SLFNL1: variants seen among roughly 807,000 people sequenced by gnomAD.
The protein encoded by SLFNL1 is schlafen like 1.
In SLFNL1, 26 loss-of-function variants were observed where a neutral mutation model predicts 32.5. That is an observed-to-expected ratio of 0.80 (90% CI 0.59 to 1.11). The LOEUF (loss-of-function observed/expected upper bound fraction) is 1.11, where lower values mean the gene tolerates loss of function less well. Among genes scored for constraint, SLFNL1 ranks in the 50% least tolerant of loss-of-function variants. The pLI is 0.00. For missense variants in SLFNL1, 553 were observed against 546.5 expected, an observed-to-expected ratio of 1.01 and a Z score of -0.12; for synonymous variants, 255 against 242.2, an observed-to-expected ratio of 1.05 and a Z score of -0.49.
At chr1:41,016,442 T>C in intron 5 of SLFNL1, 1 of 643,738 alleles carries the variant, frequency 1.6e-6, no homozygotes, top group South Asian at 2.0e-5. Flanking sequence ...GGGAGCCTCC[T>C]CCGTGCTGGG....
rs1441548258 is a variant in SLFNL1, at chr1:41,018,166, T to TA, written c.436-11dup. 2.7e-6 allele frequency: 4 copies of TA among 1,459,146 alleles called. No homozygotes were observed. The African/African-American group carries it at 5.7e-5, about 21-fold the overall frequency. The allele number at this position is 1,459,146 out of a possible 1,614,324, so 90.4% of individuals were successfully genotyped here. On this transcript the variant is annotated splice_polypyrimidine_tract_variant and intron_variant, in intron 3 of 5. Transcript: ENST00000302946. Reference sequence around the variant, plus strand: ...CCTCCTCCTCCTTCTCCTAGGGTGGTAGTCAAGAATGAATGTATGGGTCCA... The same window carrying TA: ...CCTCCTCCTCCTTCTCCTAGGGTGGTAAGTCAAGAATGAATGTATGGGTCCA...
In SLFNL1 at chr1:41,017,805, C is replaced by G; in HGVS notation, c.787G>C (p.Glu263Gln). The G allele has an allele frequency of 6.2e-7, 1 of 1,601,584 alleles. No individual in the cohort carries two copies. The highest frequency in any genetic ancestry group is 8.5e-7 in the Non-Finnish European group (1 of 1,171,332). ...SEGGSLLVGV[E>Q]DSGLVQGIRC... is the part of the protein sequence containing the mutation. ...ATGCCCTGCACCAGGCCGCTGTCCT[C>G]TACTCCCACGAGCAGGCTGCCGCCC... The change falls in exon 4 of 6, where the codon GAG (glutamate) becomes CAG (glutamine). Residue 263 changes from glutamate to glutamine, a missense_variant. Transcript: ENST00000302946. The surrounding 1 kb of genome is among the most constrained non-coding windows in gnomAD (Gnocchi z 4.9).
In SLFNL1 at chr1:41,017,584, T is replaced by A; in HGVS notation, c.957+51A>T. The A allele has an allele frequency of 6.6e-7, 1 of 1,509,306 alleles. No homozygotes were observed. The highest frequency in any genetic ancestry group is 8.9e-7 in the Non-Finnish European group (1 of 1,129,238). The allele number at this position is 1,509,306 out of a possible 1,614,324, so 93.5% of individuals were successfully genotyped here. ...GCAGGAGTGCAGGCCATCGTCTTAC[T>A]GAGTGATGACAGATGACAGGCCCAG... On this transcript the variant is annotated intron_variant, in intron 4 of 5. Coordinates refer to ENST00000302946, the MANE Select transcript of SLFNL1 (RefSeq NM_144990.4). The surrounding 1 kb of genome is among the most constrained non-coding windows in gnomAD (Gnocchi z 4.9).
At position 41,017,646 on chromosome 1, in the gene SLFNL1, C is replaced by T. The variant is rs780747853; in HGVS notation, c.946G>A (p.Val316Ile). 5.2e-6 allele frequency: 8 copies of T among 1,527,202 alleles called. No individual in the cohort carries two copies. The highest frequency in any genetic ancestry group is 4.6e-5 in the East Asian group (2 of 43,916). 94.6% of individuals were successfully genotyped at this position (1,527,202 alleles called of 1,614,324 possible). A position where few individuals can be genotyped will look rare whatever the true frequency, so the allele number is the denominator to read the frequency against. Residue 316 changes from valine (V) to isoleucine (I), a missense_variant, in exon 4 of 6, where the codon GTC becomes ATC. Coordinates refer to ENST00000302946, the MANE Select transcript of SLFNL1 (RefSeq NM_144990.4). The surrounding 1 kb of genome is among the most constrained non-coding windows in gnomAD (Gnocchi z 4.9). ...TCCTGCAGGCTCACCTTGAGGGGGACGCTGGTCTCCGAGGTACTGATCACA... is the reference window on the plus strand; with the variant it reads ...TCCTGCAGGCTCACCTTGAGGGGGATGCTGGTCTCCGAGGTACTGATCACA... ...IPVISTSETS[V>I]PLKVIRLTVH...
rs754934380 is a variant in SLFNL1 at position 41,018,002 on chromosome 1, G to A, written c.590C>T (p.Ser197Phe). 5 of 1,606,756 alleles carry A rather than the reference G, an allele frequency of 3.1e-6. No individual in the cohort carries two copies. Among genetic ancestry groups the A allele is most frequent in the Non-Finnish European group, 4.2e-6 (5 of 1,177,458 alleles). ...CTGCTGGTGCACAATGGCACTGTCG[G>A]AGCACACGCCGCTGGGCCGGCCCTG... ...SCQGRPSGVC[S>F]DSAIVHQQIV... is the part of the protein sequence containing the mutation. The change falls in exon 4 of 6, where the codon TCC becomes TTC. Residue 197 changes from serine (S) to phenylalanine (F), a missense_variant. Transcript: ENST00000302946.
At position 41,016,164 on chromosome 1, in the gene SLFNL1, T is replaced by C; in HGVS notation, c.1166A>G (p.Gln389Arg). ...KMKALMMEKEQLQQQLQQHGP... is the reference protein window; with the variant it reads ...KMKALMMEKERLQQQLQQHGP... ...GTGCTGCTGCAGCTGCTGCTGGAGC[T>C]GCTCCTTCTCCATCATCAGCGCCTT... The change falls in exon 6 of 6, where the codon CAG becomes CGG. Residue 389 changes from glutamine to arginine, a missense_variant. Gln to Arg is a conservative substitution (Grantham distance 43). Coordinates refer to ENST00000302946, the MANE Select transcript of SLFNL1 (RefSeq NM_144990.4). 1 of 1,614,178 alleles carries C rather than the reference T, an allele frequency of 6.2e-7. No homozygotes were observed. The highest frequency in any genetic ancestry group is 8.5e-7 in the Non-Finnish European group (1 of 1,180,010).
intron 3 of SLFNL1, 58 bp downstream of exon 3, chr1:41,020,164 CCACT>C: frequency 6.7e-7 from 1 of 1,499,372 alleles, no homozygotes; most frequent in Non-Finnish European, 9.0e-7. Flanking sequence ...CAGGCCACTC[CCACT>C]CAGAGGCTCT....
At position 41,018,144 on chromosome 1, in the gene SLFNL1, C is replaced by A; in HGVS notation, c.448G>T (p.Glu150Ter). The A allele has an allele frequency of 6.7e-7, 1 of 1,491,100 alleles. No individual in the cohort carries two copies. The highest frequency in any genetic ancestry group is 9.0e-7 in the Non-Finnish European group (1 of 1,114,670). The allele number at this position is 1,491,100 out of a possible 1,614,324, so 92.4% of individuals were successfully genotyped here. A position where few individuals can be genotyped will look rare whatever the true frequency, so the allele number is the denominator to read the frequency against. ...PFSHREEKEE[E>*]EEDSGLSPGP... ...GGGCTCAGGCCACTGTCCTCCTCCT[C>A]CTCCTCCTTCTCCTAGGGTGGTAGT... The change falls in exon 4 of 6, where the codon GAG (glutamate) becomes TAG (stop). Residue 150 changes from glutamate (E) to a stop codon, truncating the protein, a stop_gained. Coordinates refer to ENST00000302946, the MANE Select transcript of SLFNL1 (RefSeq NM_144990.4). LOFTEE classifies it high-confidence loss of function.
chr1:41,018,342 C>A (rs1215547721), intron 3 of SLFNL1, 186 bp from the exon 4 acceptor site: 2 of 551,414 alleles, frequency 3.6e-6, no homozygotes, highest in Non-Finnish European at 3.0e-6. Flanking sequence ...GGCAGGAAAC[C>A]CTGCTGGATC....
rs1433297955 is a variant in SLFNL1 at position 41,020,680 on chromosome 1, A to AG, written c.-21dup. ...GGTCATGGGAAGGCTCTCCCTGGGA[A>AG]GGGGTTCCAGGATTCCTCACTGCTG... On this transcript the variant is annotated 5_prime_UTR_variant, in exon 3 of 6. Transcript: ENST00000302946. 10 of 1,595,560 alleles carry AG rather than the reference A, an allele frequency of 6.3e-6. No individual in the cohort carries two copies. Among genetic ancestry groups the AG allele is most frequent in the Non-Finnish European group, 7.7e-6 (9 of 1,167,830 alleles).
chr1:41,017,411 G>GC lies in SLFNL1; in HGVS notation c.958-35dup. On this transcript the variant is annotated intron_variant, in intron 4 of 5. Coordinates refer to ENST00000302946, the MANE Select transcript of SLFNL1 (RefSeq NM_144990.4). The surrounding 1 kb of genome is among the most constrained non-coding windows in gnomAD (Gnocchi z 4.9). ...GGGCAACAGCAGCTCTGGAGGCGCC[G>GC]CCCCTCACGGTCGGCAGCCCCCATC... The GC allele has an allele frequency of 6.3e-6, 10 of 1,597,072 alleles. No individual in the cohort carries two copies. Among genetic ancestry groups the GC allele is most frequent in the Non-Finnish European group, 7.7e-6 (9 of 1,170,578 alleles).
At position 41,017,355 on chromosome 1, in the gene SLFNL1, G is replaced by A; in HGVS notation, c.980C>T (p.Thr327Ile). ...PLKVIRLTVHTPKAQSQPQLY... is the reference protein window; with the variant it reads ...PLKVIRLTVHIPKAQSQPQLY... ...TTGCGGCTGGCTCTGGGCCTTGGGG[G>A]TGTGCACGGTCAGGCGGATCACCTT... The change falls in exon 5 of 6, where the codon ACC becomes ATC. Residue 327 changes from threonine (T) to isoleucine (I), a missense_variant. Physicochemically the swap from Thr to Ile is moderately conservative, Grantham distance 89. Coordinates refer to ENST00000302946, the MANE Select transcript of SLFNL1 (RefSeq NM_144990.4). This position sits in a 1 kb window ranked among gnomAD's most constrained non-coding sequence, Gnocchi z 4.9. The A allele has an allele frequency of 6.2e-7, 1 of 1,613,684 alleles. No individual in the cohort carries two copies. The highest frequency in any genetic ancestry group is 8.5e-7 in the Non-Finnish European group (1 of 1,179,908).
chr1:41,020,789 C>A lies in SLFNL1; in HGVS notation c.-118-11G>T. The A allele has an allele frequency of 1.2e-6, 1 of 820,006 alleles. No homozygotes were observed. Among genetic ancestry groups the A allele is most frequent in the Non-Finnish European group, 1.9e-6 (1 of 531,626 alleles). 50.8% of individuals were successfully genotyped at this position (820,006 alleles called of 1,614,324 possible). A position where few individuals can be genotyped will look rare whatever the true frequency, so the allele number is the denominator to read the frequency against. On this transcript the variant is annotated splice_polypyrimidine_tract_variant and intron_variant, in intron 2 of 5. Coordinates refer to ENST00000302946, the MANE Select transcript of SLFNL1 (RefSeq NM_144990.4). ...GGAGTGTCCCGGCTCCTGGGAGGTA[C>A]ACAGATTGGCAGAGACTGGGCAGGG...
chr1:41,017,853 C>T lies in SLFNL1; in HGVS notation c.739G>A (p.Val247Met), dbSNP rs368020789. 2.1e-5 allele frequency: 34 copies of T among 1,603,536 alleles called. 1 individual carries two copies. The Middle Eastern group carries it at 5.0e-4, about 23-fold the overall frequency. ...CCCTCGCTGTTGAGGAAGGCGCACA[C>T]GTAGCGCCGCACGTGGTGCTTGAAG... ...LAFKHHVRRY[V>M]CAFLNSEGGS... The change falls in exon 4 of 6, where the codon GTG (valine) becomes ATG (methionine). Residue 247 changes from valine (V) to methionine (M), a missense_variant. By Grantham distance (21) the Val-to-Met change is conservative. Coordinates refer to ENST00000302946, the MANE Select transcript of SLFNL1 (RefSeq NM_144990.4). This position sits in a 1 kb window ranked among gnomAD's most constrained non-coding sequence, Gnocchi z 4.9.
In SLFNL1 at chr1:41,020,391, C is replaced by G. The variant is rs375718908; in HGVS notation, c.270G>C (p.Arg90=). 5.2e-5 allele frequency: 84 copies of G among 1,613,048 alleles called. 1 individual carries two copies. The African/African-American group carries it at 8.0e-4, about 15-fold the overall frequency. ...REHIEVVRRP[R]KAYALVQVTV... ...TCACCTGCACCAGTGCATAGGCCTTCCGCGGCCGCCTCACCACTTCAATGT... is the reference window on the plus strand; with the variant it reads ...TCACCTGCACCAGTGCATAGGCCTTGCGCGGCCGCCTCACCACTTCAATGT... Residue 90 remains arginine, a synonymous_variant, in exon 3 of 6, where the codon CGG becomes CGC. Coordinates refer to ENST00000302946, the MANE Select transcript of SLFNL1 (RefSeq NM_144990.4).
intron 1 of SLFNL1, 36 bp downstream of exon 1, chr1:41,021,587 T>A (rs1643837878): frequency 6.6e-6 from 1 of 152,288 alleles, no homozygotes. Context: ...GGCATTCAGG[T>A]CAAACAGGAA....
chr1:41,016,249 CAT>C (rs1643310019), intron 5 of SLFNL1, 21 bp from the exon 6 acceptor site: 1 of 1,613,068 alleles, frequency 6.2e-7, no homozygotes, highest in African/African-American at 1.3e-5. Context: ...ATGGGAAAAG[CAT>C]GTGGCCAAGC....
At chr1:41,016,404 G>T (rs977318400) in intron 5 of SLFNL1, 176 bp from the exon 6 acceptor site, 4 of 980,130 alleles carry the variant, frequency 4.1e-6, no homozygotes, top group Non-Finnish European at 5.9e-6. Context: ...GTCAGCCTGA[G>T]GGAAGCTGCC....
chr1:41,020,335 G>A lies in SLFNL1; in HGVS notation c.326C>T (p.Pro109Leu). The change falls in exon 3 of 6, where the codon CCC (proline) becomes CTC (leucine). Residue 109 changes from proline to leucine, a missense_variant. By Grantham distance (98) the Pro-to-Leu change is moderately conservative. Transcript: ENST00000302946. ...TVHRDTLASL[P>L]WRLQTALEEH... ...CTCCAGGGCCGTCTGCAGGCGCCAG[G>A]GGAGGGAGGCCAGGGTGTCCCTGTG... is the stretch of plus-strand genomic sequence containing the variant. 6.2e-7 allele frequency: 1 copy of A among 1,613,644 alleles called. No individual in the cohort carries two copies. The highest frequency in any genetic ancestry group is 8.5e-7 in the Non-Finnish European group (1 of 1,180,018).
Sources: gnomAD v4.1 joint callset for allele counts on GRCh38, gnomAD v4.1.1 for gene constraint, Gnocchi (gnomAD v3.1) non-coding constraint, MANE v1.5 for transcripts, NCBI Gene and HGNC (gene_info 2026-07-23, HGNC 2026-07-21) for gene names.